Variants in FAF1 observed in about 807,000 individuals in gnomAD.
The protein encoded by FAF1 is FAS-associated factor 1.
FAF1 carries 25 observed loss-of-function variants against 92.5 expected under a neutral mutation model. The ratio of observed to expected loss-of-function variants is 0.27; its 90% CI spans 0.20 to 0.38. The LOEUF (loss-of-function observed/expected upper bound fraction) is 0.38, where lower values mean the gene tolerates loss of function less well. Among genes scored for constraint, FAF1 ranks in the 10% least tolerant of loss-of-function variants. The probability of loss-of-function intolerance (pLI) is 1.00; values close to 1 mark genes in which losing one functional copy is unlikely to be tolerated. For synonymous variants in FAF1, 234 were observed against 273.2 expected (o/e 0.86, Z 1.42); for missense variants, 636 against 793.3 (o/e 0.80, Z 2.38).
At chr1:50,916,445 A>G (rs890376499) in intron 1 of FAF1, among the ~76,000 whole-genome samples, 4 of 152,208 alleles carry the variant, frequency 2.6e-5, no homozygotes, top group Non-Finnish European at 2.9e-5. Context: ...CCTCGATTTC[A>G]TAATAATGAT....
chr1:50,896,171 G>C (rs1032448650), intron 1 of FAF1, among the ~76,000 whole-genome samples: 1 of 152,132 alleles, frequency 6.6e-6, no homozygotes, highest in Non-Finnish European at 1.5e-5. Context: ...TGCAGTCCCA[G>C]CTTGCTACTC....
intron 1 of FAF1, among the ~76,000 whole-genome samples, chr1:50,920,174 G>A (rs1172862859): frequency 2.0e-5 from 3 of 151,896 alleles, no homozygotes; most frequent in African/African-American, 4.8e-5. Context: ...GGTGGCACTC[G>A]CCTGTAGTCC....
At chr1:50,597,730 T>C (rs907261466) in intron 8 of FAF1, among the ~76,000 whole-genome samples, 1 of 152,212 alleles carries the variant, frequency 6.6e-6, no homozygotes, top group African/African-American at 2.4e-5. Flanking sequence ...TTAATTGTTC[T>C]TGTCAGCTGT....
chr1:50,919,428 C>T (rs895899555), intron 1 of FAF1, among the ~76,000 whole-genome samples: 32 of 151,820 alleles, frequency 2.1e-4, no homozygotes, highest in Middle Eastern at 3.4e-3. Flanking sequence ...AGCTATATAA[C>T]ACGTATAAGT....
intron 4 of FAF1, among the ~76,000 whole-genome samples, chr1:50,750,609 T>C (rs1470831733): frequency 6.6e-6 from 1 of 150,984 alleles, no homozygotes; most frequent in Non-Finnish European, 1.5e-5. Context: ...TCGAGATTTA[T>C]CCTTTTTCTT....
chr1:50,631,757 C>T (rs1653800888), intron 8 of FAF1, among the ~76,000 whole-genome samples: 1 of 152,148 alleles, frequency 6.6e-6, no homozygotes, highest in African/African-American at 2.4e-5. Context: ...GTGGTAAGTG[C>T]TTAGTTAAGA....
chr1:50,945,423 C>G (rs1299295739), intron 1 of FAF1, among the ~76,000 whole-genome samples: 5 of 152,222 alleles, frequency 3.3e-5, no homozygotes, highest in Non-Finnish European at 7.3e-5. Flanking sequence ...CCACTGGCTT[C>G]TCTCATCATG....
chr1:50,669,403 A>G (rs1396878125), intron 7 of FAF1, among the ~76,000 whole-genome samples: 2 of 152,228 alleles, frequency 1.3e-5, no homozygotes, highest in African/African-American at 2.4e-5. Flanking sequence ...AGACACTGTC[A>G]TAGACTGTGT....
intron 5 of FAF1, among the ~76,000 whole-genome samples, chr1:50,744,200 C>T (rs1416989948): frequency 1.3e-5 from 2 of 152,224 alleles, no homozygotes; most frequent in African/African-American, 2.4e-5. Flanking sequence ...GCACCTGCCA[C>T]TATCCAAGTC....
chr1:50,943,726 C>T (rs1311445613), intron 1 of FAF1, among the ~76,000 whole-genome samples: 1 of 152,214 alleles, frequency 6.6e-6, no homozygotes, highest in African/African-American at 2.4e-5. Context: ...TTAGAGAGCT[C>T]TACACAGTTA....
intron 8 of FAF1, among the ~76,000 whole-genome samples, chr1:50,615,060 A>G (rs1652848830): frequency 1.3e-5 from 2 of 152,086 alleles, no homozygotes; most frequent in South Asian, 4.1e-4. Context: ...CTAGTAGTCC[A>G]CAGTGTCTAC....
intron 1 of FAF1, among the ~76,000 whole-genome samples, chr1:50,900,337 TTTTG>T (rs778505677): frequency 2.0e-5 from 3 of 152,216 alleles, no homozygotes; most frequent in African/African-American, 4.8e-5. Context: ...TTGCTTTCAA[TTTTG>T]TTTCTCTTCA....
chr1:50,485,131 A>AT (rs927966669), intron 17 of FAF1, among the ~76,000 whole-genome samples: 57 of 151,156 alleles, frequency 3.8e-4, no homozygotes, highest in African/African-American at 1.2e-3. Flanking sequence ...TATTATTATT[A>AT]TTTTTTTTAA....
intron 1 of FAF1, among the ~76,000 whole-genome samples, chr1:50,862,330 T>C (rs754524313): frequency 3.3e-5 from 5 of 151,602 alleles, no homozygotes; most frequent in Non-Finnish European, 5.9e-5. Flanking sequence ...AGAGCTAAAA[T>C]ACCATGAACA....
At chr1:50,580,898 A>G (rs922597372) in intron 12 of FAF1, among the ~76,000 whole-genome samples, 5 of 152,118 alleles carry the variant, frequency 3.3e-5, no homozygotes, top group African/African-American at 1.2e-4. Flanking sequence ...CAGCCCCCCA[A>G]GTAGCTGGGA....
At position 50,861,373 on chromosome 1, in the gene FAF1, G is replaced by A. The variant is rs72690502; in HGVS notation, c.46-3376C>T. On this transcript the variant is annotated intron_variant, in intron 1 of 18. Transcript: ENST00000396153. ...AACTAGGACTAGATGAGGTTATGAA[G>A]GTAGAATCTTCATGATAGGATTAGT... Among the ~76,000 whole-genome samples the A allele has an allele frequency of 9.8e-3, 1,488 of 151,926 alleles. 13 individuals are homozygous for A. The highest frequency in any genetic ancestry group is 0.016 in the Non-Finnish European group (1,111 of 67,838).
At chr1:50,474,920 A>G (rs1474168431) in intron 18 of FAF1, among the ~76,000 whole-genome samples, 3 of 152,216 alleles carry the variant, frequency 2.0e-5, no homozygotes, top group Non-Finnish European at 4.4e-5. Context: ...ACACATCTAT[A>G]TCTCTCTACT....
At chr1:50,826,942 C>T (rs1334474425) in intron 2 of FAF1, among the ~76,000 whole-genome samples, 3 of 150,834 alleles carry the variant, frequency 2.0e-5, no homozygotes, top group African/African-American at 4.9e-5. Context: ...CGCCTGTGCC[C>T]GGCCGCCCCG....
chr1:50,596,744 C>A (rs1339938779), intron 8 of FAF1, among the ~76,000 whole-genome samples: 1 of 152,150 alleles, frequency 6.6e-6, no homozygotes, highest in Non-Finnish European at 1.5e-5. Context: ...TCAAATACTT[C>A]ATTTTCAATA....
Sources: allele counts gnomAD v4.1 joint callset (sites outside exome capture counted in the v4.1 genomes callset), GRCh38; gene constraint gnomAD v4.1.1; transcripts MANE v1.5; gene names NCBI Gene and HGNC (gene_info 2026-07-23, HGNC 2026-07-21).